PARD3: variants seen among roughly 807,000 people sequenced by gnomAD.
PARD3 encodes the protein par-3 family cell polarity regulator, also known as partitioning defective 3 homolog.
Under a neutral mutation model 155.4 loss-of-function variants are expected in PARD3, and 75 were observed. That is an observed-to-expected ratio of 0.48 (90% CI 0.40 to 0.58). PARD3 has a LOEUF of 0.58. Ranked by LOEUF, PARD3 falls within the 20% of genes least tolerant of loss-of-function variation. PARD3 has a pLI of 0.00. For missense variants in PARD3, 1,642 were observed against 1,721.7 expected (o/e 0.95, Z 0.82); for synonymous variants, 576 against 610.5 (o/e 0.94, Z 0.83).
intron 1 of PARD3, among the ~76,000 whole-genome samples, chr10:34,718,657 C>CT (rs1462776672): frequency 6.7e-6 from 1 of 149,328 alleles, no homozygotes; most frequent in East Asian, 2.0e-4. Context: ...AGACTCTACT[C>CT]TATCTCAAAA....
At chr10:34,185,034 T>C (rs1564463861) in intron 22 of PARD3, among the ~76,000 whole-genome samples, 3 of 152,300 alleles carry the variant, frequency 2.0e-5, no homozygotes, top group East Asian at 3.9e-4. Context: ...CTTTCTCTAT[T>C]CTGTTTAAAC....
chr10:34,485,921 T>G (rs1036977528), intron 3 of PARD3, among the ~76,000 whole-genome samples: 1 of 139,518 alleles, frequency 7.2e-6, no homozygotes, highest in Non-Finnish European at 1.5e-5. Flanking sequence ...GTTTTGGGTT[T>G]TTTTTTTTTT....
chr10:34,127,587 T>C (rs1160250913), intron 23 of PARD3, among the ~76,000 whole-genome samples: 2 of 152,246 alleles, frequency 1.3e-5, no homozygotes, highest in Non-Finnish European at 2.9e-5. Flanking sequence ...ATGAATTTGA[T>C]GAATTAAATA....
At chr10:34,350,924 T>C (rs568349806) in intron 14 of PARD3, among the ~76,000 whole-genome samples, 2 of 152,264 alleles carry the variant, frequency 1.3e-5, no homozygotes, top group East Asian at 3.9e-4. Context: ...CTTGGAAATA[T>C]ATTACCACAG....
At chr10:34,542,202 G>GGTGTGTGTGT (rs1186576618) in intron 2 of PARD3, among the ~76,000 whole-genome samples, 3 of 65,700 alleles carry the variant, frequency 4.6e-5, no homozygotes, top group African/African-American at 6.0e-5. Flanking sequence ...GGTTGTTTGG[G>GGTGTGTGTGT]GTGTGTGTGT....
intron 2 of PARD3, among the ~76,000 whole-genome samples, chr10:34,589,901 A>C (rs2088507182): frequency 6.6e-6 from 1 of 152,222 alleles, no homozygotes; most frequent in Non-Finnish European, 1.5e-5. Context: ...TTCTACTGCT[A>C]CGCACACTAG....
intron 2 of PARD3, among the ~76,000 whole-genome samples, chr10:34,614,376 A>C (rs2091113461): frequency 6.6e-6 from 1 of 152,206 alleles, no homozygotes; most frequent in Admixed American, 6.5e-5. Flanking sequence ...CAGAAGATTA[A>C]GGGAAAAAAA....
In PARD3 at chr10:34,761,994, A is replaced by G. The variant is rs576353774; in HGVS notation, c.120+52882T>C. On this transcript the variant is annotated intron_variant, in intron 1 of 24. Transcript: ENST00000374788. Reference sequence around the variant, plus strand: ...GTATACGTGATTTGAACACAGCCACAAAAGAGCATTCAATTTTATTTCACG... The same window carrying G: ...GTATACGTGATTTGAACACAGCCACGAAAGAGCATTCAATTTTATTTCACG... Among the ~76,000 whole-genome samples, 5 of 152,244 alleles carry G rather than the reference A, an allele frequency of 3.3e-5. No homozygotes were observed. In the South Asian group the frequency reaches 1.0e-3, roughly 32 times the overall value.
intron 5 of PARD3, among the ~76,000 whole-genome samples, chr10:34,406,104 G>A (rs1333688576): frequency 6.6e-6 from 1 of 152,178 alleles, no homozygotes. Flanking sequence ...GACAAATGAT[G>A]TGGATGATTG....
At chr10:34,720,448 CAAAAAAAAAAAAAAAA>C (rs10603866) in intron 1 of PARD3, among the ~76,000 whole-genome samples, 1 of 56,872 alleles carries the variant, frequency 1.8e-5, no homozygotes, top group Non-Finnish European at 3.0e-5. Context: ...AAGGCTCTGT[CAAAAAAAAAAAAAAAA>C]AAAAAAAAAA....
chr10:34,588,841 C>T (rs1227596479), intron 2 of PARD3, among the ~76,000 whole-genome samples: 5 of 152,194 alleles, frequency 3.3e-5, no homozygotes, highest in Non-Finnish European at 7.4e-5. Flanking sequence ...TGCATGATCT[C>T]AAGTTCCACC....
intron 5 of PARD3, among the ~76,000 whole-genome samples, chr10:34,423,210 T>C (rs2075409965): frequency 6.6e-6 from 1 of 152,060 alleles, no homozygotes; most frequent in African/African-American, 2.4e-5. Context: ...TTAAGTGAAA[T>C]AGGCCAGGGA....
intron 12 of PARD3, among the ~76,000 whole-genome samples, chr10:34,361,726 T>TA (rs1331710341): frequency 6.6e-6 from 1 of 152,216 alleles, no homozygotes; most frequent in Non-Finnish European, 1.5e-5. Flanking sequence ...TACAAATATG[T>TA]AAAGTTAACA....
chr10:34,346,465 A>C, intron 15 of PARD3: 2 of 1,348,508 alleles, frequency 1.5e-6, no homozygotes, highest in Non-Finnish European at 2.0e-6. Flanking sequence ...ATAAAGGGGA[A>C]ATTACAGCAT....
At chr10:34,581,469 C>T (rs187263622) in intron 2 of PARD3, among the ~76,000 whole-genome samples, 2,049 of 151,724 alleles carry the variant, frequency 0.014, 52 homozygotes, top group African/African-American at 0.046. Context: ...CTCCTGACCT[C>T]GTGATCTACC....
At chr10:34,501,073 T>C (rs1257198780) in intron 3 of PARD3, among the ~76,000 whole-genome samples, 1 of 152,242 alleles carries the variant, frequency 6.6e-6, no homozygotes, top group Non-Finnish European at 1.5e-5. Flanking sequence ...GAGTTTTATT[T>C]GTACAAATAT....
chr10:34,211,714 A>G (rs945694727), intron 22 of PARD3, among the ~76,000 whole-genome samples: 10 of 152,066 alleles, frequency 6.6e-5, no homozygotes, highest in African/African-American at 2.4e-4. Flanking sequence ...CTGGAGGCGG[A>G]GATTGCAGTG....
chr10:34,533,044 C>T (rs1263879925), intron 2 of PARD3, among the ~76,000 whole-genome samples: 1 of 152,094 alleles, frequency 6.6e-6, no homozygotes, highest in Non-Finnish European at 1.5e-5. Flanking sequence ...AACTGAAACA[C>T]AATGGTAAGT....
Position 34,223,882 on chromosome 10 carries a change from C to T in PARD3, c.3419+45775G>A, listed in dbSNP as rs530933608. Among the ~76,000 whole-genome samples, 94 of 152,346 alleles carry T rather than the reference C, an allele frequency of 6.2e-4. 2 individuals are homozygous for T. In the South Asian group the frequency reaches 0.019, roughly 31 times the overall value. On this transcript the variant is annotated intron_variant, in intron 22 of 24. Transcript: ENST00000374788. The stretch of plus-strand genomic sequence containing the variant: ...ACCATGTCACACACTCAAGGACACA[C>T]AGCCAGCAGGTGGCAGCCCCTGGAT...
Sources: gnomAD v4.1 joint callset for allele counts (sites outside exome capture counted in the v4.1 genomes callset) on GRCh38, gnomAD v4.1.1 for gene constraint, MANE v1.5 for transcripts, NCBI Gene and HGNC (gene_info 2026-07-23, HGNC 2026-07-21) for gene names.